Variants in SPEG observed in about 807,000 individuals in gnomAD.
SPEG encodes striated muscle enriched protein kinase.
A neutral mutation model predicts 300.4 loss-of-function variants in SPEG; 114 were observed. That is an observed-to-expected ratio of 0.38 (90% CI 0.33 to 0.44). The LOEUF is 0.44. SPEG is among the 20% of genes least tolerant of loss of function. The pLI, the probability that SPEG is intolerant of heterozygous loss-of-function variation, is 1.00. For synonymous variants in SPEG, 1,964 were observed against 2,018.9 expected, an observed-to-expected ratio of 0.97 and a Z score of 0.73; for missense variants, 4,201 against 4,586.2, an observed-to-expected ratio of 0.92 and a Z score of 2.43.
intron 6 of SPEG, among the ~76,000 whole-genome samples, chr2:219,452,508 T>C (rs1689840095): frequency 6.6e-6 from 1 of 152,216 alleles, no homozygotes; most frequent in African/African-American, 2.4e-5. Context: ...ACCCCGGGCC[T>C]GGGGTTCGGG....
At chr2:219,465,959 G>T in intron 9 of SPEG, 1 of 1,019,064 alleles carries the variant, frequency 9.8e-7, no homozygotes, top group Non-Finnish European at 1.5e-6. Flanking sequence ...GCATGTGTGC[G>T]TGTGCATGCG....
intron 13 of SPEG, among the ~76,000 whole-genome samples, chr2:219,470,885 C>G (rs1257476807): frequency 3.9e-5 from 6 of 152,124 alleles, no homozygotes; most frequent in African/African-American, 1.4e-4. Context: ...ATGTCAGGTA[C>G]CTGGTATAGG....
At chr2:219,435,431 AG>A in intron 1 of SPEG, 66 bp downstream of exon 1, 1 of 1,456,690 alleles carries the variant, frequency 6.9e-7, no homozygotes, top group African/African-American at 1.5e-5. Context: ...AGGGCTGCCC[AG>A]GCCACGCGGG....
At chr2:219,489,257 GGCTCTGA>G in intron 35 of SPEG, 36 bp downstream of exon 35, 2 of 1,613,188 alleles carry the variant, frequency 1.2e-6, no homozygotes, top group Non-Finnish European at 1.7e-6. Context: ...GGAGGAAGGG[GGCTCTGA>G]GCCTAGGGTT....
rs781451848 is a variant in SPEG, at chr2:219,489,899, C to A, written c.8881C>A (p.Pro2961Thr). The A allele has an allele frequency of 1.9e-6, 3 of 1,593,972 alleles. No individual in the cohort carries two copies. The Admixed American group carries it at 5.1e-5, about 27-fold the overall frequency. The change falls in exon 36 of 41, where the codon CCC becomes ACC. Residue 2961 changes from proline (P) to threonine (T), a missense_variant. Physicochemically the swap from Pro to Thr is conservative, Grantham distance 38. Around this residue, in one of 4 missense-constraint regions of SPEG, gnomAD observed 1,578 missense variants for 1,506.0 expected, o/e 1.05. Coordinates refer to ENST00000312358, the MANE Select transcript of SPEG (RefSeq NM_005876.5). ...TGAGGGTACCACTCTTCGACAGGGTCCCCCTCAGAAACCCTACACCTTCCT... is the reference window on the plus strand; with the variant it reads ...TGAGGGTACCACTCTTCGACAGGGTACCCCTCAGAAACCCTACACCTTCCT... ...RPEGTTLRQG[P>T]PQKPYTFLEE...
intron 1 of SPEG, chr2:219,442,022 C>T (rs911932430): frequency 2.1e-5 from 20 of 954,098 alleles, no homozygotes; most frequent in South Asian, 1.0e-4. Context: ...CCTCCTCGCC[C>T]GGCCGCCGGC....
At position 219,466,331 on chromosome 2, in the gene SPEG, G is replaced by A. The variant is rs1329798904; in HGVS notation, c.2882-843G>A. On this transcript the variant is annotated intron_variant, in intron 9 of 40. Transcript: ENST00000312358. Reference sequence around the variant, plus strand: ...GACTGAGTGCTGGGAAGGGGCGGCTGCGAGGGGTATCAACCCCCCGAGTCT... The same window carrying A: ...GACTGAGTGCTGGGAAGGGGCGGCTACGAGGGGTATCAACCCCCCGAGTCT... 2.1e-6 allele frequency: 3 copies of A among 1,408,600 alleles called. No individual in the cohort carries two copies. The Admixed American group carries it at 1.0e-4, about 47-fold the overall frequency. The allele number at this position is 1,408,600 out of a possible 1,614,324, so 87.3% of individuals were successfully genotyped here. A position where few individuals can be genotyped will look rare whatever the true frequency, so the allele number is the denominator to read the frequency against.
At position 219,488,528 on chromosome 2, in the gene SPEG, T is replaced by C. The variant is rs1388612176; in HGVS notation, c.7889T>C (p.Val2630Ala). The change falls in exon 33 of 41, where the codon GTG becomes GCG. Residue 2630 changes from valine to alanine, a missense_variant. Transcript: ENST00000312358. ...AAGTCCTTGAGGTCAGAGCCCTCAG[T>C]GATCATCGTGTCCTGCAAAGATGGG... The part of the protein sequence containing the change: ...DKKSLRSEPS[V>A]IIVSCKDGRQ... The C allele has an allele frequency of 6.3e-7, 1 of 1,598,168 alleles. No homozygotes were observed. The highest frequency in any genetic ancestry group is 2.2e-5 in the East Asian group (1 of 44,666).
chr2:219,482,956 T>TG, intron 29 of SPEG, 104 bp downstream of exon 29: 1 of 1,414,404 alleles, frequency 7.1e-7, no homozygotes, highest in Admixed American at 1.9e-5. Context: ...TCTTCTCGCT[T>TG]TCACTGGCTC....
Position 219,444,965 on chromosome 2 carries a change from C to A in SPEG, c.619C>A (p.Arg207Ser). The change falls in exon 3 of 41, where the codon CGC (arginine) becomes AGC (serine). Residue 207 changes from arginine to serine, a missense_variant. Arg to Ser is a moderately radical substitution (Grantham distance 110, BLOSUM62 -1). Around this residue, in one of 4 missense-constraint regions of SPEG, gnomAD observed 1,258 missense variants for 1,293.9 expected, o/e 0.97. Transcript: ENST00000312358. This position sits in a 1 kb window ranked among gnomAD's most constrained non-coding sequence, Gnocchi z 7.8. ...QEAGSGGGTRRLPGSPRQAQA... is the reference protein window; with the variant it reads ...QEAGSGGGTRSLPGSPRQAQA... ...AGCGGGCAGTGGGGGTGGCACCCGC[C>A]GCCTCCCGGGCAGCCCAAGGCAAGC... is the stretch of plus-strand genomic sequence containing the variant. 6.2e-7 allele frequency: 1 copy of A among 1,603,026 alleles called. No individual in the cohort carries two copies. The highest frequency in any genetic ancestry group is 8.5e-7 in the Non-Finnish European group (1 of 1,174,632).
At chr2:219,474,378 CAAAA>C (rs35320747) in intron 18 of SPEG, 15 of 98,930 alleles carry the variant, frequency 1.5e-4, no homozygotes, top group Admixed American at 2.2e-4. Context: ...AACTCTGTCT[CAAAA>C]AAAAAAAAAA....
Position 219,473,767 on chromosome 2 carries a change from C to T in SPEG, c.4311C>T (p.Tyr1437=), listed in dbSNP as rs772393925. 50 of 1,613,892 alleles carry T rather than the reference C, an allele frequency of 3.1e-5. No homozygotes were observed. In the African/African-American group the frequency reaches 4.5e-4, roughly 15 times the overall value. Residue 1437 remains tyrosine, a synonymous_variant, in exon 18 of 41, where the codon TAC becomes TAT. Transcript: ENST00000312358. The surrounding 1 kb of genome is among the most constrained non-coding windows in gnomAD (Gnocchi z 4.6). ...GALLEARAGV[Y]ELSQPDDDQY... ...TCCTAGAGGCACGGGCCGGTGTGTA[C>T]GAGCTGAGCCAGCCAGATGATGACC...
At chr2:219,442,686 C>T (rs377465357) in intron 1 of SPEG, among the ~76,000 whole-genome samples, 1 of 144,150 alleles carries the variant, frequency 6.9e-6, no homozygotes. Flanking sequence ...GTTCCTCCAT[C>T]TCCCAGTCAC....
Position 219,443,132 on chromosome 2 carries a change from T to G in SPEG, c.389-1521T>G, listed in dbSNP as rs754066482. 1.9e-6 allele frequency: 3 copies of G among 1,612,684 alleles called. No individual in the cohort carries two copies. The South Asian group carries it at 3.3e-5, about 18-fold the overall frequency. The stretch of plus-strand genomic sequence containing the variant: ...GAAAACCGGCCATTCCCGCCGGGCC[T>G]TTGGCCGACTCACCCATGGTGCGTG... On this transcript the variant is annotated intron_variant, in intron 1 of 40. Transcript: ENST00000312358. This position sits in a 1 kb window ranked among gnomAD's most constrained non-coding sequence, Gnocchi z 4.6.
intron 31 of SPEG, among the ~76,000 whole-genome samples, chr2:219,486,404 A>G (rs901578692): frequency 6.6e-6 from 1 of 152,094 alleles, no homozygotes; most frequent in African/African-American, 2.4e-5. Context: ...CTCAGAATAG[A>G]GTGGCTGTCG....
At chr2:219,454,037 G>A (rs1689977287) in intron 6 of SPEG, among the ~76,000 whole-genome samples, 2 of 152,158 alleles carry the variant, frequency 1.3e-5, no homozygotes, top group South Asian at 2.1e-4. Flanking sequence ...CCTGCGTGCA[G>A]CCACCGCCCT....
In SPEG at chr2:219,477,107, G is replaced by A. The variant is rs1192151666; in HGVS notation, c.4560+125G>A. The A allele has an allele frequency of 3.9e-6, 4 of 1,024,064 alleles. No individual in the cohort carries two copies. The Middle Eastern group carries it at 9.0e-4, about 231-fold the overall frequency. The allele number at this position is 1,024,064 out of a possible 1,614,324, so 63.4% of individuals were successfully genotyped here. The stretch of plus-strand genomic sequence containing the variant: ...AGGCGTGGTTAGGAGGAGGAAAGGG[G>A]CTGCAGAGGACTGACTAGCTGAGGG... On this transcript the variant is annotated intron_variant, in intron 19 of 40. Coordinates refer to ENST00000312358, the MANE Select transcript of SPEG (RefSeq NM_005876.5). The surrounding 1 kb of genome is among the most constrained non-coding windows in gnomAD (Gnocchi z 6.4).
At position 219,468,775 on chromosome 2, in the gene SPEG, A is replaced by G. The variant is rs745999562; in HGVS notation, c.3301+39A>G. The G allele has an allele frequency of 3.8e-5, 61 of 1,611,202 alleles. No individual in the cohort carries two copies. The South Asian group carries it at 5.5e-4, about 15-fold the overall frequency. The stretch of plus-strand genomic sequence containing the variant: ...GCTGCAGGTGTTGAGGGCCCCCCCA[A>G]GGGCCCAGGCGGCGATGGGGTGCAC... On this transcript the variant is annotated intron_variant, in intron 11 of 40. Transcript: ENST00000312358.
chr2:219,438,075 T>C (rs1220802361), intron 1 of SPEG, among the ~76,000 whole-genome samples: 4 of 151,780 alleles, frequency 2.6e-5, no homozygotes, highest in Admixed American at 1.3e-4. Context: ...AAAGTTGGGG[T>C]CATGAGAAGG....
Sources: gnomAD v4.1 joint callset for allele counts (sites outside exome capture counted in the v4.1 genomes callset) on GRCh38, gnomAD v4.1.1 for gene constraint, gnomAD v4.1.1 regional missense constraint, Gnocchi (gnomAD v3.1) non-coding constraint, MANE v1.5 for transcripts, NCBI Gene and HGNC (gene_info 2026-07-23, HGNC 2026-07-21) for gene names.